The following PRDM15 variants were observed in gnomAD, a reference collection of about 807,000 sequenced individuals.
PRDM15 encodes PR domain zinc finger protein 15.
In PRDM15, 64 loss-of-function variants were observed where a neutral mutation model predicts 128.6. The ratio of observed to expected loss-of-function variants is 0.50; its 90% CI spans 0.41 to 0.61. The LOEUF (loss-of-function observed/expected upper bound fraction) is 0.61, where lower values mean the gene tolerates loss of function less well. Ranked by LOEUF, PRDM15 falls within the 20% of genes least tolerant of loss-of-function variation. PRDM15 has a pLI of 0.00. For synonymous variants in PRDM15, 615 were observed against 621.8 expected (o/e 0.99, Z 0.16); for missense variants, 1,242 against 1,569.1 (o/e 0.79, Z 3.52).
chr21:41,846,627 G>T (rs2063273395), intron 6 of PRDM15, among the ~76,000 whole-genome samples: 1 of 152,208 alleles, frequency 6.6e-6, no homozygotes, highest in Non-Finnish European at 1.5e-5. Flanking sequence ...AGCCTGTCAG[G>T]TCAAGGCTGC....
Position 41,871,680 on chromosome 21 carries a change from G to A in PRDM15, c.-10+7590C>T, listed in dbSNP as rs149603469. ...TGAGAAGCCCACTGTCCCTCTCCACGTGTCTTGAAACATGACAGAAACTAA... is the reference window on the plus strand; with the variant it reads ...TGAGAAGCCCACTGTCCCTCTCCACATGTCTTGAAACATGACAGAAACTAA... On this transcript the variant is annotated intron_variant, in intron 1 of 23. Coordinates refer to ENST00000398548, the MANE Select transcript of PRDM15 (RefSeq NM_001040424.3). 2.6e-4 allele frequency: 406 copies of A among 1,537,740 alleles called. 3 individuals carry two copies. The African/African-American group carries it at 4.6e-3, about 17-fold the overall frequency.
chr21:41,805,183 T>C (rs1306231541), intron 21 of PRDM15, among the ~76,000 whole-genome samples: 1 of 152,202 alleles, frequency 6.6e-6, no homozygotes, highest in Non-Finnish European at 1.5e-5. Context: ...ACCAGCTCAG[T>C]GCGTCCTGCC....
chr21:41,818,541 A>G, intron 18 of PRDM15, among the ~76,000 whole-genome samples: 1 of 152,112 alleles, frequency 6.6e-6, no homozygotes, highest in Non-Finnish European at 1.5e-5. Flanking sequence ...TGAGGTGAGG[A>G]ACAGAGGGCC....
chr21:41,806,033 TCACCACCACCATCAC>T (rs1568879909), intron 21 of PRDM15, among the ~76,000 whole-genome samples: 106 of 14,274 alleles, frequency 7.4e-3, no homozygotes, highest in Non-Finnish European at 0.01. Flanking sequence ...ACCACCACCA[TCACCACCACCATCAC>T]CACCACCACC....
rs1259132988 is a variant in PRDM15, at chr21:41,821,134, G to T, written c.1993C>A (p.Leu665Met). The T allele has an allele frequency of 6.2e-7, 1 of 1,614,140 alleles. No individual in the cohort carries two copies. Among genetic ancestry groups the T allele is most frequent in the Non-Finnish European group, 8.5e-7 (1 of 1,180,054 alleles). The part of the protein sequence containing the change: ...GCSICNRRFA[L>M]KATYHAHMVI... Reference sequence around the variant, plus strand: ...ATGTGGGCGTGGTAGGTGGCCTTCAGTGCAAAGCGCCGGTTGCAGATGCTG... The same window carrying T: ...ATGTGGGCGTGGTAGGTGGCCTTCATTGCAAAGCGCCGGTTGCAGATGCTG... Residue 665 changes from leucine (L) to methionine (M), a missense_variant, in exon 16 of 24, where the codon CTG becomes ATG. Physicochemically the swap from Leu to Met is conservative, Grantham distance 15. Coordinates refer to ENST00000398548, the MANE Select transcript of PRDM15 (RefSeq NM_001040424.3). The surrounding 1 kb of genome is among the most constrained non-coding windows in gnomAD (Gnocchi z 5.4).
chr21:41,849,195 C>T (rs1018138256), intron 5 of PRDM15, among the ~76,000 whole-genome samples: 10 of 152,360 alleles, frequency 6.6e-5, no homozygotes, highest in Admixed American at 1.3e-4. Flanking sequence ...ACTGCAGGGC[C>T]GCACGAGAGA....
chr21:41,815,587 A>C, intron 19 of PRDM15, 118 bp downstream of exon 19: 1 of 1,384,756 alleles, frequency 7.2e-7, no homozygotes, highest in Non-Finnish European at 9.8e-7. Context: ...GGAACCCGGC[A>C]CTCAGTGGGA....
chr21:41,799,003 G>A lies in PRDM15; in HGVS notation c.*2237C>T, dbSNP rs1568859604. 6.6e-6 allele frequency: 1 copy of A among 152,118 alleles called. No individual in the cohort carries two copies. Among genetic ancestry groups the A allele is most frequent in the Non-Finnish European group, 1.5e-5 (1 of 68,018 alleles). 9.4% of individuals were successfully genotyped at this position (152,118 alleles called of 1,614,324 possible). On this transcript the variant is annotated 3_prime_UTR_variant, in exon 24 of 24. Transcript: ENST00000398548. ...TTCTCACTTATAACAAGAAGTAAGA[G>A]GTGTCTGTGTATTGAGATAAACAGT...
chr21:41,878,302 T>G (rs767045033), intron 1 of PRDM15, among the ~76,000 whole-genome samples: 15 of 152,224 alleles, frequency 9.9e-5, no homozygotes, highest in Admixed American at 3.9e-4. Context: ...TTCTACCGTT[T>G]TAAACTCCCT....
chr21:41,830,299 G>A (rs1052888796), intron 11 of PRDM15, among the ~76,000 whole-genome samples: 1 of 137,440 alleles, frequency 7.3e-6, no homozygotes, highest in Non-Finnish European at 1.6e-5. Flanking sequence ...CCACATACAT[G>A]CCCCACACAA....
chr21:41,838,666 G>C (rs139947780), intron 7 of PRDM15, among the ~76,000 whole-genome samples: 2 of 152,182 alleles, frequency 1.3e-5, no homozygotes, highest in Non-Finnish European at 2.9e-5. Flanking sequence ...GCTTTCCCCC[G>C]CCCCCATCTT....
chr21:41,819,162 C>T (rs912023904), intron 18 of PRDM15, among the ~76,000 whole-genome samples: 1 of 152,260 alleles, frequency 6.6e-6, no homozygotes, highest in African/African-American at 2.4e-5. Flanking sequence ...AATGCTGCCT[C>T]GAGTCCTTCT....
Position 41,823,491 on chromosome 21 carries a change from G to C in PRDM15, c.1630-42C>G, listed in dbSNP as rs192435171. 5.9e-6 allele frequency: 9 copies of C among 1,534,468 alleles called. No individual in the cohort carries two copies. In the African/African-American group the frequency reaches 8.2e-5, roughly 14 times the overall value. Reference sequence around the variant, plus strand: ...GCATGGTGAGGGGCTGCGGCGTCTCGTGACGGGAAGGAGCCTCTCCATCAG... The same window carrying C: ...GCATGGTGAGGGGCTGCGGCGTCTCCTGACGGGAAGGAGCCTCTCCATCAG... On this transcript the variant is annotated intron_variant, in intron 13 of 23. Coordinates refer to ENST00000398548, the MANE Select transcript of PRDM15 (RefSeq NM_001040424.3).
At chr21:41,875,532 G>T (rs898727292) in intron 1 of PRDM15, among the ~76,000 whole-genome samples, 4 of 152,256 alleles carry the variant, frequency 2.6e-5, no homozygotes, top group African/African-American at 9.6e-5. Context: ...AAATAAAACT[G>T]CCATGTCACT....
Position 41,856,195 on chromosome 21 carries a change from C to T in PRDM15, c.285+981G>A, listed in dbSNP as rs575700771. 0.07 allele frequency among the ~76,000 whole-genome samples: 397 copies of T among 5,700 alleles called. 39 individuals are homozygous for T. The Middle Eastern group carries it at 0.75, about 11-fold the overall frequency. 3.7% of individuals were successfully genotyped at this position (5,700 alleles called of 152,430 possible). A position where few individuals can be genotyped will look rare whatever the true frequency, so the allele number is the denominator to read the frequency against. ...CCTTCCTTCCCTCCCTCCCCTCCCT[C>T]CCTTCCTTTCCTTCCTTCCCTCCCT... is the stretch of plus-strand genomic sequence containing the variant. On this transcript the variant is annotated intron_variant, in intron 4 of 23. Transcript: ENST00000398548.
chr21:41,803,424 G>A (rs935747250), intron 22 of PRDM15, among the ~76,000 whole-genome samples: 5 of 152,226 alleles, frequency 3.3e-5, no homozygotes, highest in African/African-American at 7.2e-5. Context: ...CTCCCCGCAC[G>A]ATTCCCTGCA....
chr21:41,842,741 G>A (rs945739259), intron 6 of PRDM15, among the ~76,000 whole-genome samples: 6 of 149,996 alleles, frequency 4.0e-5, no homozygotes, highest in Non-Finnish European at 7.4e-5. Flanking sequence ...TGCCTGCCTC[G>A]GCCTCCCAAA....
chr21:41,868,389 C>T (rs922957187), intron 1 of PRDM15, among the ~76,000 whole-genome samples: 3 of 152,066 alleles, frequency 2.0e-5, no homozygotes, highest in South Asian at 2.1e-4. Flanking sequence ...GAGGATGTTT[C>T]GTTTTTGAAT....
At chr21:41,805,070 T>G (rs1332212533) in intron 21 of PRDM15, among the ~76,000 whole-genome samples, 1 of 152,190 alleles carries the variant, frequency 6.6e-6, no homozygotes. Context: ...GTGCTTTCAT[T>G]TGTTGGTTTT....
Sources: gnomAD v4.1 joint callset for allele counts (sites outside exome capture counted in the v4.1 genomes callset) on GRCh38, gnomAD v4.1.1 for gene constraint, Gnocchi (gnomAD v3.1) non-coding constraint, MANE v1.5 for transcripts, NCBI Gene and HGNC (gene_info 2026-07-23, HGNC 2026-07-21) for gene names.